CD96: variants seen among roughly 807,000 people sequenced by gnomAD.
The protein encoded by CD96 is T-cell surface protein tactile.
CD96 carries 70 observed loss-of-function variants against 71.3 expected under a neutral mutation model. That is an observed-to-expected ratio of 0.98 (90% CI 0.81 to 1.20). The LOEUF is 1.20. Among genes scored for constraint, CD96 ranks in the 50% most tolerant of loss-of-function variants. CD96 has a pLI of 0.00. For missense variants in CD96, 742 were observed against 677.5 expected, an observed-to-expected ratio of 1.10 and a Z score of -1.06; for synonymous variants, 248 against 233.0, an observed-to-expected ratio of 1.06 and a Z score of -0.59.
chr3:111,632,779 C>G (rs1326789001), intron 10 of CD96, among the ~76,000 whole-genome samples: 1 of 152,120 alleles, frequency 6.6e-6, no homozygotes, highest in East Asian at 1.9e-4. Flanking sequence ...CCATGCAATA[C>G]TATACAGTCA....
intron 3 of CD96, among the ~76,000 whole-genome samples, chr3:111,575,579 T>G (rs1272242744): frequency 6.6e-6 from 1 of 152,248 alleles, no homozygotes; most frequent in African/African-American, 2.4e-5. Context: ...TTTATAACTG[T>G]CTTAATCTAT....
intron 14 of CD96, among the ~76,000 whole-genome samples, chr3:111,664,238 A>G (rs147397819): frequency 1.3e-5 from 2 of 152,238 alleles, no homozygotes; most frequent in South Asian, 2.1e-4. Flanking sequence ...CCTTCACAGT[A>G]TCAAAAATAT....
In CD96 at chr3:111,624,419, T is replaced by C. The variant is rs768879578; in HGVS notation, c.1321+15T>C. 6.6e-7 allele frequency: 1 copy of C among 1,516,364 alleles called. No homozygotes were observed. Among genetic ancestry groups the C allele is most frequent in the South Asian group, 1.1e-5 (1 of 89,188 alleles). 93.9% of individuals were successfully genotyped at this position (1,516,364 alleles called of 1,614,324 possible). The stretch of plus-strand genomic sequence containing the variant: ...TACCAAAAAATGTTAAGTATAATCG[T>C]GGGTCCCTTGAGTCCTCTGGACTTC... On this transcript the variant is annotated intron_variant, in intron 10 of 13. Coordinates refer to ENST00000352690, the MANE Select transcript of CD96 (RefSeq NM_005816.5).
intron 12 of CD96, among the ~76,000 whole-genome samples, chr3:111,643,070 T>TAAAA (rs201908883): frequency 3.2e-5 from 3 of 94,356 alleles, no homozygotes; most frequent in Non-Finnish European, 4.4e-5. Context: ...CCAAAATCCT[T>TAAAA]AAAAAAAAAA....
intron 2 of CD96, among the ~76,000 whole-genome samples, chr3:111,555,684 T>C (rs1457527391): frequency 2.0e-5 from 3 of 152,296 alleles, no homozygotes; most frequent in African/African-American, 7.2e-5. Context: ...TCCAGAAGTT[T>C]GATTATGATG....
intron 2 of CD96, among the ~76,000 whole-genome samples, chr3:111,554,339 A>G (rs1013240256): frequency 6.6e-5 from 10 of 152,030 alleles, no homozygotes; most frequent in African/African-American, 1.9e-4. Flanking sequence ...ATTTGATCAC[A>G]TTTGATAGAT....
At chr3:111,620,232 G>C (rs542747601) in intron 8 of CD96, among the ~76,000 whole-genome samples, 1 of 152,158 alleles carries the variant, frequency 6.6e-6, no homozygotes, top group South Asian at 2.1e-4. Context: ...TTATGTGATC[G>C]TCTGGTTGAT....
At chr3:111,566,636 T>A (rs1935725842) in intron 2 of CD96, among the ~76,000 whole-genome samples, 1 of 152,170 alleles carries the variant, frequency 6.6e-6, no homozygotes, top group Non-Finnish European at 1.5e-5. Flanking sequence ...AAACTTCTTT[T>A]GATGCTATAG....
intron 5 of CD96, among the ~76,000 whole-genome samples, chr3:111,588,416 T>C (rs767635750): frequency 6.6e-6 from 1 of 152,216 alleles, no homozygotes; most frequent in Non-Finnish European, 1.5e-5. Flanking sequence ...TTGGCATTTT[T>C]GTTAAAGCCA....
At chr3:111,654,324 A>G (rs932687402), downstream of CD96, among the ~76,000 whole-genome samples, 2 of 152,176 alleles carry the variant, frequency 1.3e-5, no homozygotes, top group Non-Finnish European at 2.9e-5. Flanking sequence ...TCGATTACTA[A>G]CAAAGGCACC....
chr3:111,589,978 A>G (rs1234613258), intron 5 of CD96, among the ~76,000 whole-genome samples: 1 of 152,244 alleles, frequency 6.6e-6, no homozygotes, highest in East Asian at 1.9e-4. Context: ...GGTTAAATTT[A>G]TGCTCTAATG....
chr3:111,644,566 A>C (rs916939007), intron 12 of CD96, among the ~76,000 whole-genome samples: 6 of 152,334 alleles, frequency 3.9e-5, no homozygotes, highest in Admixed American at 1.3e-4. Flanking sequence ...AACAGTCAGC[A>C]GAGTAAACAG....
intron 8 of CD96, among the ~76,000 whole-genome samples, chr3:111,621,991 A>G (rs1294712044): frequency 6.6e-6 from 1 of 152,200 alleles, no homozygotes; most frequent in Non-Finnish European, 1.5e-5. Context: ...AGTGAGCTAG[A>G]AGTTACAATT....
intron 10 of CD96, among the ~76,000 whole-genome samples, chr3:111,626,521 G>T (rs1048054108): frequency 1.3e-5 from 2 of 151,788 alleles, no homozygotes; most frequent in African/African-American, 4.8e-5. Context: ...CCATCCTTTG[G>T]CATTGTATTT....
At chr3:111,547,637 G>T (rs1406126734) in intron 2 of CD96, among the ~76,000 whole-genome samples, 2 of 152,152 alleles carry the variant, frequency 1.3e-5, no homozygotes, top group Non-Finnish European at 2.9e-5. Flanking sequence ...AAAATAAAGA[G>T]AACCAAGGGA....
In CD96 at chr3:111,608,747, A is replaced by C. The variant is rs752860891; in HGVS notation, c.1180+1955A>C. Among the ~76,000 whole-genome samples the C allele has an allele frequency of 1.6e-3, 251 of 152,352 alleles. 2 individuals carry two copies. The highest frequency in any genetic ancestry group is 3.4e-3 in the Middle Eastern group (1 of 294). On this transcript the variant is annotated intron_variant, in intron 8 of 13. Coordinates refer to ENST00000352690, the MANE Select transcript of CD96 (RefSeq NM_005816.5). ...ACAGAGTAGAGAGTCAAAAACTATT[A>C]GTTGAATAACTAACTGAATGAATGA...
intron 10 of CD96, among the ~76,000 whole-genome samples, chr3:111,630,757 C>G (rs1939020347): frequency 6.6e-6 from 1 of 152,216 alleles, no homozygotes; most frequent in South Asian, 2.1e-4. Context: ...CAAAAATCCT[C>G]AACAAAATAC....
rs749207621 is a variant in CD96 at position 111,616,125 on chromosome 3, C to T, written c.1181-7629C>T. Among the ~76,000 whole-genome samples, 20 of 152,096 alleles carry T rather than the reference C, an allele frequency of 1.3e-4. 1 individual carries two copies. Among genetic ancestry groups the T allele is most frequent in the Non-Finnish European group, 2.5e-4 (17 of 67,988 alleles). On this transcript the variant is annotated intron_variant, in intron 8 of 13. Transcript: ENST00000352690. ...TTTTCTCCATAACACATTTTAACAC[C>T]GTCTATAAGTTACCTGTTTGGCTCC... is the stretch of plus-strand genomic sequence containing the variant.
intron 7 of CD96, among the ~76,000 whole-genome samples, chr3:111,601,337 G>A (rs964088217): frequency 6.6e-6 from 1 of 152,050 alleles, no homozygotes; most frequent in Non-Finnish European, 1.5e-5. Context: ...TAATATTTAG[G>A]AATGGATAAA....
Sources: allele counts gnomAD v4.1 joint callset (sites outside exome capture counted in the v4.1 genomes callset), GRCh38; gene constraint gnomAD v4.1.1; transcripts MANE v1.5; gene names NCBI Gene and HGNC (gene_info 2026-07-23, HGNC 2026-07-21).